The following ANKS1B variants were observed in gnomAD, a reference collection of about 807,000 sequenced individuals.
ANKS1B encodes the protein ankyrin repeat and sterile alpha motif domain containing 1B.
In ANKS1B, 36 loss-of-function variants were observed where a neutral mutation model predicts 148.3. That is an observed-to-expected ratio of 0.24 (90% CI 0.19 to 0.32). The LOEUF (loss-of-function observed/expected upper bound fraction) is 0.32. Ranked by LOEUF, ANKS1B falls within the 10% of genes least tolerant of loss-of-function variation. The pLI is 1.00. For synonymous variants in ANKS1B, 542 were observed against 560.8 expected (o/e 0.97, Z 0.47); for missense variants, 1,157 against 1,542.6 (o/e 0.75, Z 4.19).
rs560362862 is a variant in ANKS1B at position 99,046,760 on chromosome 12, A to C, written c.2778+6397T>G. ...CTTGCAGTGAGCAGAGATTGCAGAG[A>C]TTGTGCCACTGCACTCCAGCCTGGG... On this transcript the variant is annotated intron_variant, in intron 17 of 26. Transcript: ENST00000683438. Among the ~76,000 whole-genome samples the C allele has an allele frequency of 5.3e-5, 8 of 149,628 alleles. No individual in the cohort carries two copies. In the South Asian group the frequency reaches 1.7e-3, roughly 32 times the overall value.
chr12:99,733,993 C>A (rs1030798572), intron 8 of ANKS1B, among the ~76,000 whole-genome samples: 1 of 152,154 alleles, frequency 6.6e-6, no homozygotes, highest in Non-Finnish European at 1.5e-5. Context: ...CATGTTGATT[C>A]CATTTTGCAT....
chr12:99,317,224 T>C (rs1488337262), intron 12 of ANKS1B, among the ~76,000 whole-genome samples: 1 of 152,250 alleles, frequency 6.6e-6, no homozygotes, highest in Admixed American at 6.5e-5. Flanking sequence ...GGTAGCTTGA[T>C]GGGAATGGCA....
chr12:99,262,404 C>T (rs2076015413), intron 12 of ANKS1B, among the ~76,000 whole-genome samples: 1 of 151,848 alleles, frequency 6.6e-6, no homozygotes, highest in African/African-American at 2.4e-5. Flanking sequence ...TAGATATTTG[C>T]ATGTGAAGAA....
chr12:99,171,148 A>G (rs1461430715), intron 14 of ANKS1B, among the ~76,000 whole-genome samples: 1 of 152,208 alleles, frequency 6.6e-6, no homozygotes, highest in East Asian at 1.9e-4. Context: ...AGGACAGAAT[A>G]AGAAAGATCT....
At chr12:99,393,968 C>T (rs1335059048) in intron 12 of ANKS1B, among the ~76,000 whole-genome samples, 3 of 152,184 alleles carry the variant, frequency 2.0e-5, no homozygotes, top group Non-Finnish European at 2.9e-5. Context: ...AAATACTCTG[C>T]ACCTGCATCC....
intron 14 of ANKS1B, among the ~76,000 whole-genome samples, chr12:99,163,276 T>C (rs2076863995): frequency 6.6e-6 from 1 of 152,156 alleles, no homozygotes; most frequent in Admixed American, 6.6e-5. Context: ...TTTTTAAAGA[T>C]TTTTATTTTG....
At chr12:99,123,044 C>G (rs776174697) in intron 15 of ANKS1B, among the ~76,000 whole-genome samples, 4 of 136,322 alleles carry the variant, frequency 2.9e-5, no homozygotes, top group Non-Finnish European at 6.3e-5. Context: ...AAAACAACAA[C>G]AACAAAAAAC....
chr12:99,898,829 GTGATGATGA>G (rs576024840), intron 1 of ANKS1B, among the ~76,000 whole-genome samples: 1 of 151,824 alleles, frequency 6.6e-6, no homozygotes, highest in Non-Finnish European at 1.5e-5. Flanking sequence ...TAACAAGATG[GTGATGATGA>G]TGATGATGAT....
chr12:99,582,145 A>C (rs565269788), intron 9 of ANKS1B, among the ~76,000 whole-genome samples: 1 of 152,106 alleles, frequency 6.6e-6, no homozygotes, highest in Non-Finnish European at 1.5e-5. Flanking sequence ...AATGCAAATA[A>C]CATACCAGAA....
intron 1 of ANKS1B, among the ~76,000 whole-genome samples, chr12:99,894,321 G>A (rs569778689): frequency 1.4e-5 from 1 of 73,952 alleles, no homozygotes; most frequent in Non-Finnish European, 3.0e-5. Context: ...GGGAGGGAGG[G>A]AGGGAGGGAA....
At chr12:99,443,577 A>G (rs1387857994) in intron 11 of ANKS1B, 96 bp downstream of exon 11, 3 of 1,320,228 alleles carry the variant, frequency 2.3e-6, no homozygotes, top group African/African-American at 1.5e-5. Flanking sequence ...GACATACCAC[A>G]TAAAACAGTC....
chr12:99,618,903 T>G (rs1181394206), intron 9 of ANKS1B, among the ~76,000 whole-genome samples: 2 of 152,106 alleles, frequency 1.3e-5, no homozygotes, highest in Non-Finnish European at 2.9e-5. Context: ...GCTAGGAATC[T>G]CCATAACCAG....
chr12:99,411,517 A>G (rs1158064130), intron 11 of ANKS1B, among the ~76,000 whole-genome samples: 1 of 152,164 alleles, frequency 6.6e-6, no homozygotes, highest in Non-Finnish European at 1.5e-5. Flanking sequence ...TAAACATATG[A>G]GTGCAGGTGT....
intron 9 of ANKS1B, among the ~76,000 whole-genome samples, chr12:99,588,669 T>C (rs1028563742): frequency 1.3e-5 from 2 of 152,160 alleles, no homozygotes; most frequent in Non-Finnish European, 2.9e-5. Flanking sequence ...TTTTTTTTAT[T>C]CTATGGAAGG....
At chr12:99,543,833 G>A (rs928603102) in intron 9 of ANKS1B, among the ~76,000 whole-genome samples, 1 of 152,032 alleles carries the variant, frequency 6.6e-6, no homozygotes, top group Non-Finnish European at 1.5e-5. Flanking sequence ...CCAACTTAGT[G>A]GTAGAAAAAA....
intron 12 of ANKS1B, among the ~76,000 whole-genome samples, chr12:99,310,842 A>T (rs1001150706): frequency 3.3e-5 from 5 of 152,156 alleles, no homozygotes; most frequent in Non-Finnish European, 5.9e-5. Context: ...ATACAAATAT[A>T]AACTCTATAG....
intron 25 of ANKS1B, among the ~76,000 whole-genome samples, chr12:98,772,049 G>A (rs767245879): frequency 1.3e-5 from 2 of 152,188 alleles, no homozygotes; most frequent in Non-Finnish European, 2.9e-5. Context: ...AATGAGTAAT[G>A]GCAGTTGAGA....
chr12:99,169,931 CTT>C (rs1031876954), intron 14 of ANKS1B, among the ~76,000 whole-genome samples: 4 of 152,112 alleles, frequency 2.6e-5, no homozygotes, highest in African/African-American at 9.7e-5. Flanking sequence ...GAAACTTGTC[CTT>C]TTGCAGGAGT....
chr12:99,150,570 G>A (rs2074559037), intron 15 of ANKS1B, among the ~76,000 whole-genome samples: 1 of 152,006 alleles, frequency 6.6e-6, no homozygotes, highest in South Asian at 2.1e-4. Flanking sequence ...GATGAGCAAA[G>A]TTATTAAGAT....
Sources: allele counts gnomAD v4.1 joint callset (sites outside exome capture counted in the v4.1 genomes callset), GRCh38; gene constraint gnomAD v4.1.1; transcripts MANE v1.5; gene names NCBI Gene and HGNC (gene_info 2026-07-23, HGNC 2026-07-21).